CARHSP1: variants seen among roughly 807,000 people sequenced by gnomAD.
The protein encoded by CARHSP1 is calcium-regulated heat-stable protein 1.
CARHSP1 carries 14 observed loss-of-function variants against 12.5 expected under a neutral mutation model. That is an observed-to-expected ratio of 1.12 (90% CI 0.74 to 1.75). The LOEUF (loss-of-function observed/expected upper bound fraction) is 1.75, where lower values mean the gene tolerates loss of function less well. CARHSP1 is among the 40% of genes most tolerant of loss of function. The pLI, the probability that CARHSP1 is intolerant of heterozygous loss-of-function variation, is 0.00. For missense variants in CARHSP1, 343 were observed against 201.6 expected, an observed-to-expected ratio of 1.70 and a Z score of -4.25; for synonymous variants, 161 against 82.0, an observed-to-expected ratio of 1.96 and a Z score of -5.20.
At chr16:8,865,163 C>T (rs1051450772) in intron 1 of CARHSP1, among the ~76,000 whole-genome samples, 1 of 152,192 alleles carries the variant, frequency 6.6e-6, no homozygotes, top group African/African-American at 2.4e-5. Context: ...GGATGGAGTG[C>T]AGTGGCACAA....
At chr16:8,855,360 C>T in intron 3 of CARHSP1, 34 bp from the exon 4 acceptor site, 3 of 1,458,650 alleles carry the variant, frequency 2.1e-6, no homozygotes, top group Non-Finnish European at 2.7e-6. Flanking sequence ...TCAGGGCTCA[C>T]ACCGGGACAC....
chr16:8,858,512 T>C (rs2061229762), intron 2 of CARHSP1, 40 bp from the exon 3 acceptor site: 3 of 1,604,698 alleles, frequency 1.9e-6, no homozygotes, highest in Middle Eastern at 1.8e-4. Context: ...CCATCAGCGC[T>C]CCTGGGCACA....
intron 1 of CARHSP1, among the ~76,000 whole-genome samples, chr16:8,864,345 A>T (rs2061421408): frequency 6.6e-6 from 1 of 152,194 alleles, no homozygotes. Flanking sequence ...GTGCTGCCAC[A>T]GGGGACCTTG....
chr16:8,855,249 T>A lies in CARHSP1; in HGVS notation c.359A>T (p.Lys120Met), dbSNP rs2061060158. The A allele has an allele frequency of 6.2e-7, 1 of 1,613,058 alleles. No homozygotes were observed. Among genetic ancestry groups the A allele is most frequent in the African/African-American group, 1.3e-5 (1 of 74,848 alleles). ...KMCSIPPKNE[K>M]LQAVEVVITH... is the part of the protein sequence containing the mutation. ...GATGACGACCTCCACGGCCTGCAGC[T>A]TCTCATTCTTGGGTGGGATGGAGCA... Residue 120 changes from lysine to methionine, a missense_variant, in exon 4 of 4, where the codon AAG becomes ATG. Transcript: ENST00000311052.
At position 8,859,179 on chromosome 16, in the gene CARHSP1, G is replaced by T; in HGVS notation, c.150C>A (p.Thr50=). ...GCCTGCTCCAGACTCACGCCGAGAA[G>T]GTCCTCGTCCGGCGAGTGGGCAGTG... The part of the protein sequence containing the change: ...PSPLPTRRTR[T]FSATVRASQG... Residue 50 remains threonine (T), a synonymous_variant, in exon 2 of 4, where the codon ACC becomes ACA. Transcript: ENST00000311052. 6.3e-7 allele frequency: 1 copy of T among 1,599,982 alleles called. No individual in the cohort carries two copies. Among genetic ancestry groups the T allele is most frequent in the Non-Finnish European group, 8.5e-7 (1 of 1,172,148 alleles).
At chr16:8,868,083 ACT>A (rs1246866239) in intron 1 of CARHSP1, 4 of 151,884 alleles carry the variant, frequency 2.6e-5, no homozygotes, top group African/African-American at 4.8e-5. Context: ...GCCTCCTTTT[ACT>A]CTCACACACC....
At chr16:8,865,299 G>A (rs534630760) in intron 1 of CARHSP1, among the ~76,000 whole-genome samples, 8 of 152,034 alleles carry the variant, frequency 5.3e-5, no homozygotes, top group African/African-American at 9.7e-5. Context: ...TAGTAGAGAC[G>A]GGGTTTCACC....
At chr16:8,859,920 T>C (rs1417969195) in intron 1 of CARHSP1, 1 of 153,990 alleles carries the variant, frequency 6.5e-6, no homozygotes, top group Non-Finnish European at 1.4e-5. Flanking sequence ...GAGGTTCCAG[T>C]GAGCTGAGAT....
rs773144848 is a variant in CARHSP1 at position 8,859,160 on chromosome 16, T to G, written c.158+11A>C. ...ATCTGAGAACGCGTCCCCAGCCTGC[T>G]CCAGACTCACGCCGAGAAGGTCCTC... On this transcript the variant is annotated intron_variant, in intron 2 of 3. Coordinates refer to ENST00000311052, the MANE Select transcript of CARHSP1 (RefSeq NM_014316.4). 1.3e-6 allele frequency: 2 copies of G among 1,591,228 alleles called. No individual in the cohort carries two copies. The highest frequency in any genetic ancestry group is 2.7e-5 in the African/African-American group (2 of 73,658).
chr16:8,866,257 A>C (rs553240090), intron 1 of CARHSP1, among the ~76,000 whole-genome samples: 1 of 152,310 alleles, frequency 6.6e-6, no homozygotes, highest in South Asian at 2.1e-4. Context: ...CCAAGATTCT[A>C]CATTTCTAAG....
chr16:8,863,047 G>T (rs1395025171), intron 1 of CARHSP1, among the ~76,000 whole-genome samples: 1 of 150,802 alleles, frequency 6.6e-6, no homozygotes, highest in Non-Finnish European at 1.5e-5. Flanking sequence ...GTGTCCCAAG[G>T]GCCCAGCACA....
intron 1 of CARHSP1, among the ~76,000 whole-genome samples, chr16:8,862,017 T>A (rs1203844348): frequency 8.2e-5 from 10 of 122,426 alleles, no homozygotes; most frequent in African/African-American, 2.7e-4. Context: ...TTTTTTTTTT[T>A]AATTTGAGAT....
intron 1 of CARHSP1, among the ~76,000 whole-genome samples, chr16:8,862,998 G>A (rs2061392890): frequency 6.6e-6 from 1 of 151,888 alleles, no homozygotes. Flanking sequence ...CTCATGGCCT[G>A]TAGGGGTGAG....
chr16:8,861,622 G>A (rs1404251423), intron 1 of CARHSP1: 7 of 1,289,086 alleles, frequency 5.4e-6, no homozygotes, highest in Admixed American at 2.3e-5. Context: ...GTCGGGCTGG[G>A]AAGCTGGTGG....
At chr16:8,861,475 G>A (rs28494117) in intron 1 of CARHSP1, among the ~76,000 whole-genome samples, 2,151 of 150,684 alleles carry the variant, frequency 0.014, 34 homozygotes, top group African/African-American at 0.043. Flanking sequence ...AAATCCCACC[G>A]CACCCCCCGA....
chr16:8,860,138 A>G, intron 1 of CARHSP1: 1 of 985,430 alleles, frequency 1.0e-6, no homozygotes, highest in African/African-American at 1.7e-5. Flanking sequence ...GGAACTGTGG[A>G]ACACGTCGCA....
At chr16:8,868,313 T>G (rs2061481093) in intron 1 of CARHSP1, 1 of 152,030 alleles carries the variant, frequency 6.6e-6, no homozygotes, top group African/African-American at 2.4e-5. Flanking sequence ...ACATTTCACT[T>G]CCGGCCTGCA....
At chr16:8,860,417 G>A (rs2061314921) in intron 1 of CARHSP1, 2 of 985,332 alleles carry the variant, frequency 2.0e-6, no homozygotes, top group Admixed American at 6.2e-5. Context: ...TTTTTCAAGA[G>A]CAGGACACTC....
intron 1 of CARHSP1, chr16:8,868,529 A>C (rs1428382615): frequency 1.4e-5 from 2 of 145,310 alleles, no homozygotes; most frequent in Non-Finnish European, 3.0e-5. Flanking sequence ...CCGCCGTCCC[A>C]ACCTCGAGCC....
Sources: allele counts gnomAD v4.1 joint callset (sites outside exome capture counted in the v4.1 genomes callset), GRCh38; gene constraint gnomAD v4.1.1; transcripts MANE v1.5; gene names NCBI Gene and HGNC (gene_info 2026-07-23, HGNC 2026-07-21).